PLXND1: variants seen among roughly 807,000 people sequenced by gnomAD.
The protein encoded by PLXND1 is plexin D1.
Under a neutral mutation model 197.7 loss-of-function variants are expected in PLXND1, and 54 were observed. That is an observed-to-expected ratio of 0.27 (90% CI 0.22 to 0.34). The LOEUF (loss-of-function observed/expected upper bound fraction) is 0.34, where lower values mean the gene tolerates loss of function less well. PLXND1 is among the 10% of genes least tolerant of loss of function. The pLI is 1.00. For missense variants in PLXND1, 2,127 were observed against 2,699.2 expected, an observed-to-expected ratio of 0.79 and a Z score of 4.70; for synonymous variants, 1,180 against 1,161.2, an observed-to-expected ratio of 1.02 and a Z score of -0.33.
chr3:129,567,880 G>A, intron 20 of PLXND1, 75 bp from the exon 21 acceptor site: 1 of 751,230 alleles, frequency 1.3e-6, no homozygotes, highest in Non-Finnish European at 2.2e-6. Flanking sequence ...CTGTATTCTG[G>A]CCTCCGCTCC....
Position 129,606,235 on chromosome 3 carries a change from G to T in PLXND1, c.405C>A (p.Gly135=). 1 of 1,575,442 alleles carries T rather than the reference G, an allele frequency of 6.3e-7. No homozygotes were observed. Among genetic ancestry groups the T allele is most frequent in the Non-Finnish European group, 8.6e-7 (1 of 1,165,794 alleles). ...NKILQLDPGQ[G]LVVVCGSIYQ... ...AGATGGACCCGCACACGACTACCAG[G>T]CCCTGGCCGGGGTCCAGCTGCAGGA... The change falls in exon 1 of 36, where the codon GGC becomes GGA. Residue 135 remains glycine (G), a synonymous_variant. Coordinates refer to ENST00000324093, the MANE Select transcript of PLXND1 (RefSeq NM_015103.3).
intron 11 of PLXND1, 59 bp downstream of exon 11, chr3:129,575,410 T>C: frequency 9.5e-7 from 1 of 1,055,166 alleles, no homozygotes; most frequent in Non-Finnish European, 1.4e-6. Context: ...CGCACAAGGC[T>C]GAGCCCCACC....
chr3:129,589,306 A>AGCCGGGGG, intron 2 of PLXND1, 45 bp downstream of exon 2: 1 of 677,830 alleles, frequency 1.5e-6, no homozygotes, highest in Non-Finnish European at 2.6e-6. Flanking sequence ...CTCCCAGGGG[A>AGCCGGGGG]GCCTCCCACC....
rs1311013994 is a variant in PLXND1 at position 129,577,660 on chromosome 3, G to T, written c.2346+669C>A. Among the ~76,000 whole-genome samples the T allele has an allele frequency of 6.6e-6, 1 of 152,158 alleles. No homozygotes were observed. Among genetic ancestry groups the T allele is most frequent in the Non-Finnish European group, 1.5e-5 (1 of 68,018 alleles). On this transcript the variant is annotated intron_variant, in intron 9 of 35. Transcript: ENST00000324093. This position sits in a 1 kb window ranked among gnomAD's most constrained non-coding sequence, Gnocchi z 5.0. ...AGGGGGGTGGCTGGCACGCCTCCAGGACTCGTCAACGCTTCCCACCCAGGA... is the reference window on the plus strand; with the variant it reads ...AGGGGGGTGGCTGGCACGCCTCCAGTACTCGTCAACGCTTCCCACCCAGGA...
At chr3:129,592,732 T>A (rs1174504433) in intron 1 of PLXND1, among the ~76,000 whole-genome samples, 13 of 152,152 alleles carry the variant, frequency 8.5e-5, no homozygotes, top group South Asian at 6.2e-4. Context: ...TTTTAAAAAA[T>A]TTTTTTAAAG....
chr3:129,556,720 T>C, intron 34 of PLXND1, 29 bp from the exon 35 acceptor site: 2 of 1,542,058 alleles, frequency 1.3e-6, no homozygotes, highest in Non-Finnish European at 1.8e-6. Flanking sequence ...GGGAGGAGGT[T>C]AGCCCAGCGG....
intron 25 of PLXND1, 87 bp from the exon 26 acceptor site, chr3:129,563,327 C>T: frequency 9.1e-7 from 1 of 1,100,430 alleles, no homozygotes; most frequent in Non-Finnish European, 1.3e-6. Context: ...GCCCCCGTCC[C>T]CCAACCCCTC....
At chr3:129,602,051 T>C (rs1027655546) in intron 1 of PLXND1, among the ~76,000 whole-genome samples, 4 of 152,352 alleles carry the variant, frequency 2.6e-5, no homozygotes, top group African/African-American at 9.6e-5. Flanking sequence ...ACCTAGGGGC[T>C]TTCTAAAATA....
intron 11 of PLXND1, among the ~76,000 whole-genome samples, chr3:129,575,220 G>A (rs763739586): frequency 6.6e-6 from 1 of 152,230 alleles, no homozygotes; most frequent in African/African-American, 2.4e-5. Context: ...CTCTGCAGAG[G>A]GACTGTGTCC....
Position 129,577,734 on chromosome 3 carries a change from CCCAGA to C in PLXND1, c.2346+590_2346+594del, listed in dbSNP as rs2085333835. Among the ~76,000 whole-genome samples the C allele has an allele frequency of 6.6e-6, 1 of 152,204 alleles. No individual in the cohort carries two copies. The highest frequency in any genetic ancestry group is 2.4e-5 in the African/African-American group (1 of 41,450). Reference sequence around the variant, plus strand: ...AAGGAGCTGCGTCCCCAACCCCCAGCCCAGATGGTGGGGGCGGGGCTAGTTGCAAA... The same window carrying C: ...AAGGAGCTGCGTCCCCAACCCCCAGCTGGTGGGGGCGGGGCTAGTTGCAAA... On this transcript the variant is annotated intron_variant, in intron 9 of 35. Coordinates refer to ENST00000324093, the MANE Select transcript of PLXND1 (RefSeq NM_015103.3). This position sits in a 1 kb window ranked among gnomAD's most constrained non-coding sequence, Gnocchi z 5.0.
intron 11 of PLXND1, 69 bp from the exon 12 acceptor site, chr3:129,574,559 C>G (rs2085285257): frequency 2.0e-6 from 3 of 1,473,160 alleles, no homozygotes; most frequent in Non-Finnish European, 2.8e-6. Flanking sequence ...CTGTGCCCTC[C>G]ACACACAACA....
chr3:129,606,483 A>C lies in PLXND1; in HGVS notation c.157T>G (p.Phe53Val). The C allele has an allele frequency of 7.0e-7, 1 of 1,427,322 alleles. No homozygotes were observed. 88.4% of individuals were successfully genotyped at this position (1,427,322 alleles called of 1,614,324 possible). Reference protein sequence around the residue: ...RAGALEIQRRFPSPTPTNNFA... With the variant: ...RAGALEIQRRVPSPTPTNNFA... ...TTGTTGGTGGGCGTGGGCGAGGGGA[A>C]CCGACGCTGGATCTCCAGGGCGCCG... The change falls in exon 1 of 36, where the codon TTC (phenylalanine) becomes GTC (valine). Residue 53 changes from phenylalanine to valine, a missense_variant. This residue lies in a region of PLXND1 where 245 missense variants were observed against 267.1 expected (regional missense o/e 0.92). Coordinates refer to ENST00000324093, the MANE Select transcript of PLXND1 (RefSeq NM_015103.3).
intron 2 of PLXND1, among the ~76,000 whole-genome samples, chr3:129,588,839 G>A (rs1293258595): frequency 2.0e-5 from 3 of 152,206 alleles, no homozygotes; most frequent in African/African-American, 7.2e-5. Flanking sequence ...TCGGGGCCAC[G>A]GGCTGGGGTA....
intron 3 of PLXND1, 76 bp downstream of exon 3, chr3:129,586,512 A>G: frequency 6.6e-7 from 1 of 1,506,002 alleles, no homozygotes; most frequent in Non-Finnish European, 9.0e-7. Flanking sequence ...GCAGAGGAAC[A>G]GCGTGTGTAA....
At chr3:129,594,388 G>A (rs1290488031) in intron 1 of PLXND1, among the ~76,000 whole-genome samples, 1 of 152,194 alleles carries the variant, frequency 6.6e-6, no homozygotes, top group Non-Finnish European at 1.5e-5. Flanking sequence ...GGAGGTGGAC[G>A]TGGAAGGATC....
At position 129,585,977 on chromosome 3, in the gene PLXND1, T is replaced by C. The variant is rs1338638065; in HGVS notation, c.1826A>G (p.Glu609Gly). Residue 609 changes from glutamate to glycine, a missense_variant, in exon 5 of 36, where the codon GAG becomes GGG. Physicochemically the swap from Glu to Gly is moderately conservative, Grantham distance 98. This residue lies in a region of PLXND1 where 1,095 missense variants were observed against 1,259.8 expected (regional missense o/e 0.87). Coordinates refer to ENST00000324093, the MANE Select transcript of PLXND1 (RefSeq NM_015103.3). Reference protein sequence around the residue: ...RCPAMTVLPSEIDVRQEYPGM... With the variant: ...RCPAMTVLPSGIDVRQEYPGM... ...TGGGTACTCCTGGCGCACATCGATC[T>C]CGGAAGGCAGGACGGTCATGGCAGG... The C allele has an allele frequency of 6.2e-7, 1 of 1,614,026 alleles. No individual in the cohort carries two copies. Among genetic ancestry groups the C allele is most frequent in the Non-Finnish European group, 8.5e-7 (1 of 1,180,020 alleles).
At chr3:129,565,232 G>C (rs976468034) in intron 25 of PLXND1, 108 bp downstream of exon 25, 11 of 866,022 alleles carry the variant, frequency 1.3e-5, no homozygotes, top group Non-Finnish European at 1.9e-5. Context: ...CCTCCTGGCA[G>C]AGCTGGCCTG....
intron 1 of PLXND1, among the ~76,000 whole-genome samples, chr3:129,595,049 G>A (rs1257594102): frequency 6.6e-6 from 1 of 152,122 alleles, no homozygotes; most frequent in East Asian, 1.9e-4. Context: ...TCCTCCCTCA[G>A]CTTGGACAGC....
chr3:129,578,631 G>C lies in PLXND1; in HGVS notation c.2242-198C>G, dbSNP rs2085346910. 1.6e-5 allele frequency: 9 copies of C among 573,784 alleles called. No homozygotes were observed. In the South Asian group the frequency reaches 1.9e-4, roughly 12 times the overall value. 35.5% of individuals were successfully genotyped at this position (573,784 alleles called of 1,614,324 possible). ...CTCCATCCTATGGGCAGGTCGCATT[G>C]GCCCTGTTTAAAGATGAGGAAGGTG... On this transcript the variant is annotated intron_variant, in intron 8 of 35. Coordinates refer to ENST00000324093, the MANE Select transcript of PLXND1 (RefSeq NM_015103.3).
Sources: allele counts gnomAD v4.1 joint callset (sites outside exome capture counted in the v4.1 genomes callset), GRCh38; gene constraint gnomAD v4.1.1; regional missense constraint gnomAD v4.1.1; non-coding constraint Gnocchi (gnomAD v3.1); transcripts MANE v1.5; gene names NCBI Gene and HGNC (gene_info 2026-07-23, HGNC 2026-07-21).